DLG2: variants seen among roughly 807,000 people sequenced by gnomAD.
DLG2 encodes discs large MAGUK scaffold protein 2.
In DLG2, 45 loss-of-function variants were observed where a neutral mutation model predicts 132.5. That is an observed-to-expected ratio of 0.34 (90% confidence interval 0.27 to 0.44). The LOEUF is 0.44. Among genes scored for constraint, DLG2 ranks in the 20% least tolerant of loss-of-function variants. The pLI is 1.00. For synonymous variants in DLG2, 424 were observed against 419.6 expected, an observed-to-expected ratio of 1.01 and a Z score of -0.13; for missense variants, 1,045 against 1,196.9, an observed-to-expected ratio of 0.87 and a Z score of 1.87.
intron 4 of DLG2, among the ~76,000 whole-genome samples, chr11:85,207,813 A>T (rs1368114352): frequency 1.3e-5 from 2 of 151,930 alleles, no homozygotes; most frequent in Non-Finnish European, 2.9e-5. Context: ...TCACCCACTC[A>T]TCTATCTCTC....
intron 10 of DLG2, among the ~76,000 whole-genome samples, chr11:84,073,474 T>G (rs766042840): frequency 2.3e-4 from 35 of 152,130 alleles, no homozygotes; most frequent in Non-Finnish European, 1.3e-4. Flanking sequence ...CAACATATAT[T>G]GAAGACCTGC....
At chr11:85,583,150 A>G (rs1324552446) in intron 3 of DLG2, among the ~76,000 whole-genome samples, 20 of 114,980 alleles carry the variant, frequency 1.7e-4, no homozygotes, top group East Asian at 2.3e-4. Context: ...ATATATATAT[A>G]TATATATATA....
chr11:84,828,148 A>G (rs2078574721), intron 6 of DLG2, among the ~76,000 whole-genome samples: 1 of 151,814 alleles, frequency 6.6e-6, no homozygotes, highest in Non-Finnish European at 1.5e-5. Context: ...GGGCTCCAAA[A>G]GGACTGGATA....
At chr11:83,533,462 A>G (rs1372101694) in intron 20 of DLG2, among the ~76,000 whole-genome samples, 3 of 152,250 alleles carry the variant, frequency 2.0e-5, no homozygotes, top group Admixed American at 6.5e-5. Flanking sequence ...GTAAACAAAC[A>G]CAGAAAATGC....
chr11:85,110,282 T>C (rs1324582457), intron 6 of DLG2, among the ~76,000 whole-genome samples: 2 of 152,056 alleles, frequency 1.3e-5, no homozygotes, highest in Non-Finnish European at 2.9e-5. Context: ...CTGGGCTTAG[T>C]GGCATGCACC....
chr11:83,958,459 C>A (rs2087521403), intron 14 of DLG2, among the ~76,000 whole-genome samples: 1 of 152,158 alleles, frequency 6.6e-6, no homozygotes, highest in East Asian at 1.9e-4. Context: ...ACTAAATTCA[C>A]AGCTAGGTAA....
intron 3 of DLG2, among the ~76,000 whole-genome samples, chr11:85,340,596 A>G (rs2082421044): frequency 6.6e-6 from 1 of 152,224 alleles, no homozygotes; most frequent in South Asian, 2.1e-4. Flanking sequence ...TACGTATCAA[A>G]CCTGCACATT....
chr11:85,393,212 A>G (rs960162627), intron 3 of DLG2, among the ~76,000 whole-genome samples: 2 of 152,208 alleles, frequency 1.3e-5, no homozygotes, highest in South Asian at 2.1e-4. Flanking sequence ...GCCAACAAAC[A>G]TATGAAAAAA....
At chr11:83,922,494 A>G (rs899516354) in intron 15 of DLG2, among the ~76,000 whole-genome samples, 1 of 152,166 alleles carries the variant, frequency 6.6e-6, no homozygotes, top group Non-Finnish European at 1.5e-5. Context: ...TCTTGGTTTT[A>G]ATTAAAAGTG....
chr11:84,618,837 TATTAAG>T (rs1281227340), intron 6 of DLG2, among the ~76,000 whole-genome samples: 1 of 152,074 alleles, frequency 6.6e-6, no homozygotes, highest in Non-Finnish European at 1.5e-5. Context: ...GGACTTTAGA[TATTAAG>T]ATTATCAGAC....
intron 11 of DLG2, among the ~76,000 whole-genome samples, chr11:83,983,883 G>A (rs1056958757): frequency 1.1e-4 from 16 of 151,972 alleles, no homozygotes; most frequent in African/African-American, 3.9e-4. Flanking sequence ...TGAAAATAGG[G>A]AAGTTTTAAA....
At chr11:83,759,524 T>G (rs1356023342) in intron 18 of DLG2, among the ~76,000 whole-genome samples, 1 of 152,180 alleles carries the variant, frequency 6.6e-6, no homozygotes, top group Non-Finnish European at 1.5e-5. Flanking sequence ...CTGTTTTTAT[T>G]GATTTTTTTT....
At chr11:85,369,819 T>G (rs565458508) in intron 3 of DLG2, among the ~76,000 whole-genome samples, 13 of 152,344 alleles carry the variant, frequency 8.5e-5, no homozygotes, top group Admixed American at 7.2e-4. Flanking sequence ...CTGTGATGTC[T>G]GTACAAGGAG....
intron 7 of DLG2, among the ~76,000 whole-genome samples, chr11:84,457,553 A>G (rs1442595265): frequency 2.6e-5 from 4 of 151,068 alleles, no homozygotes; most frequent in Non-Finnish European, 5.9e-5. Context: ...CAATTGAAAT[A>G]CACCAGGGAT....
intron 9 of DLG2, among the ~76,000 whole-genome samples, chr11:84,122,990 A>G (rs2093999316): frequency 6.6e-6 from 1 of 152,212 alleles, no homozygotes. Context: ...GAAGGAGAGC[A>G]AAGAAGAAAG....
At chr11:84,928,982 G>GTGTGTGTATATATATATATATA (rs1400906684) in intron 6 of DLG2, among the ~76,000 whole-genome samples, 4 of 49,112 alleles carry the variant, frequency 8.1e-5, no homozygotes, top group Non-Finnish European at 1.4e-4. Context: ...GTGTGTGTGT[G>GTGTGTGTATATATATATATATA]TATATATATA....
intron 4 of DLG2, among the ~76,000 whole-genome samples, chr11:85,197,889 C>T (rs1399729301): frequency 6.6e-6 from 1 of 152,176 alleles, no homozygotes; most frequent in Non-Finnish European, 1.5e-5. Context: ...CATTTAGCTT[C>T]TCTAATGTTT....
intron 3 of DLG2, among the ~76,000 whole-genome samples, chr11:85,518,537 A>C (rs193045418): frequency 1.3e-5 from 2 of 152,314 alleles, no homozygotes; most frequent in Non-Finnish European, 2.9e-5. Context: ...GGGTGCTATT[A>C]AAGGCATTCA....
At chr11:84,203,388 C>G (rs1185839497) in intron 8 of DLG2, among the ~76,000 whole-genome samples, 2 of 152,042 alleles carry the variant, frequency 1.3e-5, no homozygotes, top group East Asian at 1.9e-4. Context: ...GGAGACCATC[C>G]TGGCTAACAC....
Sources: allele counts gnomAD v4.1 joint callset (sites outside exome capture counted in the v4.1 genomes callset), GRCh38; gene constraint gnomAD v4.1.1; transcripts MANE v1.5; gene names NCBI Gene and HGNC (gene_info 2026-07-23, HGNC 2026-07-21).